The following PCDHGA8 variants were observed in gnomAD, a reference collection of about 807,000 sequenced individuals.
PCDHGA8 encodes protocadherin gamma-A8.
PCDHGA8 carries 45 observed loss-of-function variants against 59.2 expected under a neutral mutation model. The ratio of observed to expected loss-of-function variants is 0.76; its 90% CI spans 0.60 to 0.98. The LOEUF is 0.98. PCDHGA8 is among the 50% of genes least tolerant of loss of function. PCDHGA8 has a pLI of 0.00. For missense variants in PCDHGA8, 1,257 were observed against 1,196.2 expected (o/e 1.05, Z -0.75); for synonymous variants, 531 against 519.0 (o/e 1.02, Z -0.32).
chr5:141,462,007 G>C (rs2099028604), intron 1 of PCDHGA8, among the ~76,000 whole-genome samples: 1 of 152,188 alleles, frequency 6.6e-6, no homozygotes, highest in South Asian at 2.1e-4. Context: ...ATTTTTAATA[G>C]AGACGGGGTT....
chr5:141,457,481 G>T (rs990111430), intron 1 of PCDHGA8, among the ~76,000 whole-genome samples: 1 of 152,212 alleles, frequency 6.6e-6, no homozygotes, highest in African/African-American at 2.4e-5. Context: ...CAGGGCCAGG[G>T]TTAGTCTAAA....
chr5:141,410,885 G>A (rs970749503), intron 1 of PCDHGA8: 7 of 287,302 alleles, frequency 2.4e-5, no homozygotes, highest in African/African-American at 1.6e-4. Context: ...ATGGAGTCTC[G>A]CACTGTTGCC....
chr5:141,399,071 T>C (rs2093748237), intron 1 of PCDHGA8: 1 of 1,613,808 alleles, frequency 6.2e-7, no homozygotes. Flanking sequence ...TCAATGGTTG[T>C]AGAAGGGAGG....
chr5:141,414,620 A>G, intron 1 of PCDHGA8: 4 of 1,613,938 alleles, frequency 2.5e-6, no homozygotes, highest in Non-Finnish European at 3.4e-6. Flanking sequence ...ACAGCGCTGG[A>G]CCCGGACAGC....
chr5:141,433,651 C>T (rs905489069), intron 1 of PCDHGA8, among the ~76,000 whole-genome samples: 3 of 152,064 alleles, frequency 2.0e-5, no homozygotes, highest in Non-Finnish European at 2.9e-5. Context: ...GCCTGACCAA[C>T]ATGGAGAAAC....
At chr5:141,408,301 C>A in intron 1 of PCDHGA8, 1 of 1,613,756 alleles carries the variant, frequency 6.2e-7, no homozygotes, top group Non-Finnish European at 8.5e-7. Flanking sequence ...GTGAGCCGAT[C>A]CGCTACTCGA....
Position 141,392,735 on chromosome 5 carries a change from C to G in PCDHGA8, c.-79C>G. 1 of 1,428,540 alleles carries G rather than the reference C, an allele frequency of 7.0e-7. No homozygotes were observed. Among genetic ancestry groups the G allele is most frequent in the South Asian group, 1.5e-5 (1 of 66,380 alleles). 88.5% of individuals were successfully genotyped at this position (1,428,540 alleles called of 1,614,324 possible). A position where few individuals can be genotyped will look rare whatever the true frequency, so the allele number is the denominator to read the frequency against. On this transcript the variant is annotated 5_prime_UTR_variant, in exon 1 of 4. Transcript: ENST00000398604. ...CCAGGTTTCCGGAGGATTGTCATCT[C>G]CATAGCTGCGGCAAGAAACTAAATA...
rs946798767 is a variant in PCDHGA8, at chr5:141,438,591, CATATATATAT to C, written c.2424+43390_2424+43399del. On this transcript the variant is annotated intron_variant, in intron 1 of 3. Transcript: ENST00000398604. The stretch of plus-strand genomic sequence containing the variant: ...TCTGATATACATACATACATACATA[CATATATATAT>C]ATATATATATATATATATATATATA... Among the ~76,000 whole-genome samples, 12 of 75,572 alleles carry C rather than the reference CATATATATAT, an allele frequency of 1.6e-4. No individual in the cohort carries two copies. The East Asian group carries it at 1.7e-3, about 11-fold the overall frequency. The allele number at this position is 75,572 out of a possible 152,430, so 49.6% of individuals were successfully genotyped here.
chr5:141,456,426 A>G (rs2098857765), intron 1 of PCDHGA8, among the ~76,000 whole-genome samples: 1 of 152,210 alleles, frequency 6.6e-6, no homozygotes, highest in Non-Finnish European at 1.5e-5. Context: ...AATTCAAGTT[A>G]TAGTATTGAG....
chr5:141,472,060 T>C (rs185246000), intron 1 of PCDHGA8, among the ~76,000 whole-genome samples: 5 of 152,276 alleles, frequency 3.3e-5, no homozygotes, highest in Non-Finnish European at 1.5e-5. Context: ...ATGATTGACA[T>C]GTCTGTGGTT....
At chr5:141,412,264 CT>C (rs765219351) in intron 1 of PCDHGA8, 4 of 152,206 alleles carry the variant, frequency 2.6e-5, no homozygotes, top group Non-Finnish European at 4.4e-5. Context: ...TTTTCTAAAA[CT>C]TTTAGTACTT....
intron 1 of PCDHGA8, among the ~76,000 whole-genome samples, chr5:141,434,248 G>A (rs1347428778): frequency 2.0e-5 from 3 of 152,188 alleles, no homozygotes; most frequent in Non-Finnish European, 2.9e-5. Flanking sequence ...GATGACTTGG[G>A]CATTGTGGGG....
chr5:141,410,109 ACG>A, intron 1 of PCDHGA8: 1 of 1,612,496 alleles, frequency 6.2e-7, no homozygotes, highest in Non-Finnish European at 8.5e-7. Flanking sequence ...GGCGACAGGG[ACG>A]CAGCCCGCCA....
In PCDHGA8 at chr5:141,476,966, G is replaced by C. The variant is rs780645226; in HGVS notation, c.2425-17841G>C. The C allele has an allele frequency of 1.2e-6, 2 of 1,614,152 alleles. No homozygotes were observed. Among genetic ancestry groups the C allele is most frequent in the Non-Finnish European group, 1.7e-6 (2 of 1,180,032 alleles). On this transcript the variant is annotated intron_variant, in intron 1 of 3. Coordinates refer to ENST00000398604, the MANE Select transcript of PCDHGA8 (RefSeq NM_032088.2). This position sits in a 1 kb window ranked among gnomAD's most constrained non-coding sequence, Gnocchi z 7.6. ...CAACGGTGAAATTATTTACTCCTTCGGCAGCCACAACCGCGCCGGCGTGCG... is the reference window on the plus strand; with the variant it reads ...CAACGGTGAAATTATTTACTCCTTCCGCAGCCACAACCGCGCCGGCGTGCG...
intron 1 of PCDHGA8, among the ~76,000 whole-genome samples, chr5:141,474,187 T>A (rs2099345004): frequency 6.6e-6 from 1 of 152,210 alleles, no homozygotes; most frequent in South Asian, 2.1e-4. Context: ...ACTACTTACA[T>A]TTTTAAAAGC....
chr5:141,421,923 G>T (rs2096611568), intron 1 of PCDHGA8: 1 of 1,613,590 alleles, frequency 6.2e-7, no homozygotes. Flanking sequence ...TTCGTGTGGT[G>T]GTCCTCGATG....
At chr5:141,448,782 T>C (rs2098606045) in intron 1 of PCDHGA8, among the ~76,000 whole-genome samples, 1 of 148,758 alleles carries the variant, frequency 6.7e-6, no homozygotes, top group Non-Finnish European at 1.5e-5. Flanking sequence ...GTACTAAAAA[T>C]ACAAAAAAAA....
chr5:141,430,309 A>G (rs984998714), intron 1 of PCDHGA8, among the ~76,000 whole-genome samples: 2 of 152,116 alleles, frequency 1.3e-5, no homozygotes, highest in Non-Finnish European at 2.9e-5. Context: ...CACTAACATT[A>G]TAAGATTAAA....
rs1487863444 is a variant in PCDHGA8 at position 141,491,016 on chromosome 5, G to A, written c.2425-3791G>A. On this transcript the variant is annotated intron_variant, in intron 1 of 3. Transcript: ENST00000398604. This position sits in a 1 kb window ranked among gnomAD's most constrained non-coding sequence, Gnocchi z 6.9. ...CTCCTGGCTCCTTGGTCACCAAGGTGACAGCCGTGGATGCTGATGCAGGCC... is the reference window on the plus strand; with the variant it reads ...CTCCTGGCTCCTTGGTCACCAAGGTAACAGCCGTGGATGCTGATGCAGGCC... 2.5e-6 allele frequency: 4 copies of A among 1,614,136 alleles called. No individual in the cohort carries two copies. The African/African-American group carries it at 5.3e-5, about 22-fold the overall frequency.
Sources: gnomAD v4.1 joint callset for allele counts (sites outside exome capture counted in the v4.1 genomes callset) on GRCh38, gnomAD v4.1.1 for gene constraint, Gnocchi (gnomAD v3.1) non-coding constraint, MANE v1.5 for transcripts, NCBI Gene and HGNC (gene_info 2026-07-23, HGNC 2026-07-21) for gene names.